The following NOLC1 variants were observed in gnomAD, a reference collection of about 807,000 sequenced individuals.
NOLC1 encodes 140 kDa nucleolar phosphoprotein.
A neutral mutation model predicts 73.4 loss-of-function variants in NOLC1; 37 were observed. That is an observed-to-expected ratio of 0.50 (90% CI 0.39 to 0.66). The LOEUF (loss-of-function observed/expected upper bound fraction) is 0.66. NOLC1 is among the 30% of genes least tolerant of loss of function. The pLI is 0.00. For synonymous variants in NOLC1, 327 were observed against 302.6 expected, an observed-to-expected ratio of 1.08 and a Z score of -0.84; for missense variants, 921 against 838.9, an observed-to-expected ratio of 1.10 and a Z score of -1.21.
intron 10 of NOLC1, 86 bp from the exon 11 acceptor site, chr10:102,161,470 G>A (rs956465408): frequency 1.6e-5 from 15 of 931,188 alleles, no homozygotes; most frequent in African/African-American, 5.0e-5. Flanking sequence ...GGGCTCAAGC[G>A]ATCCTCCTAC....
At chr10:102,155,053 G>A (rs546206507) in intron 1 of NOLC1, among the ~76,000 whole-genome samples, 9 of 129,406 alleles carry the variant, frequency 7.0e-5, no homozygotes, top group Admixed American at 1.7e-4. Flanking sequence ...TGACAGTTTC[G>A]CTCTTGTTGC....
intron 8 of NOLC1, 65 bp from the exon 9 acceptor site, chr10:102,160,167 CT>C: frequency 6.3e-7 from 1 of 1,592,556 alleles, no homozygotes. Context: ...TCTTTGCATT[CT>C]TTTTATTGCT....
At chr10:102,157,384 C>G (rs750177600) in intron 3 of NOLC1, 47 bp from the exon 4 acceptor site, 6 of 1,613,366 alleles carry the variant, frequency 3.7e-6, no homozygotes, top group African/African-American at 1.3e-5. Context: ...TTACAGCCTG[C>G]TTGTTTCACA....
At chr10:102,159,132 T>C in intron 5 of NOLC1, 61 bp from the exon 6 acceptor site, 1 of 1,507,020 alleles carries the variant, frequency 6.6e-7, no homozygotes, top group Non-Finnish European at 8.9e-7. Context: ...AGGAAGGAGG[T>C]TTTTCATGGT....
chr10:102,159,415 AT>A lies in NOLC1; in HGVS notation c.724-14del, dbSNP rs1363642502. On this transcript the variant is annotated splice_polypyrimidine_tract_variant and intron_variant, in intron 6 of 12. Coordinates refer to ENST00000605788, the MANE Select transcript of NOLC1 (RefSeq NM_004741.5). The stretch of plus-strand genomic sequence containing the variant: ...GGTCAGCATTTTCCTGTGGTAATCA[AT>A]TTTCTTTCTAATGCAGACTGTACCT... 6.2e-7 allele frequency: 1 copy of A among 1,613,842 alleles called. No individual in the cohort carries two copies. The highest frequency in any genetic ancestry group is 1.7e-5 in the Admixed American group (1 of 59,968).
At position 102,162,111 on chromosome 10, in the gene NOLC1, C is replaced by A. The variant is rs1370185935; in HGVS notation, c.1942C>A (p.Arg648=). The change falls in exon 13 of 13, where the codon CGA becomes AGA. Residue 648 remains arginine, a splice_region_variant and synonymous_variant. Coordinates refer to ENST00000605788, the MANE Select transcript of NOLC1 (RefSeq NM_004741.5). ...RVADNSFDAK[R]GAAGDWGERA... is the part of the protein sequence containing the mutation. ...GTTAATCTCCCTCTCTACTTACCAG[C>A]GAGGTGCAGCCGGAGACTGGGGAGA... 6.2e-7 allele frequency: 1 copy of A among 1,613,456 alleles called. No individual in the cohort carries two copies. Among genetic ancestry groups the A allele is most frequent in the Non-Finnish European group, 8.5e-7 (1 of 1,179,864 alleles).
chr10:102,159,065 C>CAAAAAAAAA (rs35183508), intron 5 of NOLC1, 128 bp from the exon 6 acceptor site: 3 of 357,928 alleles, frequency 8.4e-6, no homozygotes, highest in East Asian at 4.7e-5. Context: ...ACTCCGTCTC[C>CAAAAAAAAA]AAAAAAAAAA....
chr10:102,160,012 A>C lies in NOLC1; in HGVS notation c.976A>C (p.Ser326Arg). The C allele has an allele frequency of 6.2e-7, 1 of 1,613,108 alleles. No homozygotes were observed. Among genetic ancestry groups the C allele is most frequent in the Non-Finnish European group, 8.5e-7 (1 of 1,179,538 alleles). Residue 326 changes from serine (S) to arginine (R), a missense_variant, in exon 8 of 13, where the codon AGT (serine) becomes CGT (arginine). By Grantham distance (110) the Ser-to-Arg change is moderately radical (BLOSUM62 -1). Coordinates refer to ENST00000605788, the MANE Select transcript of NOLC1 (RefSeq NM_004741.5). The stretch of plus-strand genomic sequence containing the variant: ...GCCTGTGGAAAGCAGTGAAGACAGC[A>C]GTGATGAGTCTGGTGAGTCAGAGGG... ...QQPVESSEDS[S>R]DESDSSSEEE...
chr10:102,162,063 G>C, intron 12 of NOLC1, 48 bp from the exon 13 acceptor site: 1 of 1,606,572 alleles, frequency 6.2e-7, no homozygotes, highest in Non-Finnish European at 8.5e-7. Flanking sequence ...AAGTGACAGG[G>C]CTCCAGCATG....
Position 102,160,712 on chromosome 10 carries a change from G to T in NOLC1, c.1360G>T (p.Ala454Ser). The T allele has an allele frequency of 6.2e-7, 1 of 1,614,144 alleles. No individual in the cohort carries two copies. Among genetic ancestry groups the T allele is most frequent in the Non-Finnish European group, 8.5e-7 (1 of 1,179,972 alleles). The change falls in exon 10 of 13, where the codon GCT becomes TCT. Residue 454 changes from alanine (A) to serine (S), a missense_variant. Ala to Ser is a moderately conservative substitution (Grantham distance 99). Transcript: ENST00000605788. ...TTKPKATAKA[A>S]LSLPAKQAPQ... is the part of the protein sequence containing the mutation. ...TAAGCCCAAGGCGACTGCCAAAGCA[G>T]CTCTATCTCTGCCTGCCAAGCAGGC...
At chr10:102,156,891 G>A (rs999511577) in intron 1 of NOLC1, 128 bp from the exon 2 acceptor site, 58 of 900,226 alleles carry the variant, frequency 6.4e-5, no homozygotes, top group Admixed American at 2.0e-4. Context: ...ATTTATGCAC[G>A]TAGCAAAAGT....
intron 9 of NOLC1, 39 bp from the exon 10 acceptor site, chr10:102,160,413 A>G: frequency 6.2e-7 from 1 of 1,612,410 alleles, no homozygotes; most frequent in Non-Finnish European, 8.5e-7. Context: ...CCCTGAATCC[A>G]ATTTGGGGAG....
At chr10:102,154,373 G>A (rs769667669) in intron 1 of NOLC1, among the ~76,000 whole-genome samples, 29 of 151,478 alleles carry the variant, frequency 1.9e-4, no homozygotes, top group Non-Finnish European at 3.5e-4. Flanking sequence ...GTGAGCCACC[G>A]CACCCGGCCA....
At chr10:102,152,816 G>A (rs1477074078) in intron 1 of NOLC1, among the ~76,000 whole-genome samples, 1 of 152,242 alleles carries the variant, frequency 6.6e-6, no homozygotes, top group Non-Finnish European at 1.5e-5. Flanking sequence ...GGCTGGCAGA[G>A]TGCAGCGGGG....
In NOLC1 at chr10:102,159,540, G is replaced by A; in HGVS notation, c.831G>A (p.Glu277=). The change falls in exon 7 of 13, where the codon GAG becomes GAA. Residue 277 remains glutamate (E), a synonymous_variant. Transcript: ENST00000605788. ...ATTCCTCCAGTGACGAGGAAGAGGA[G>A]CAAAAAAAACCCATGAAAAATAAAC... ...SEDSSSDEEE[E]QKKPMKNKPG... The A allele has an allele frequency of 6.2e-7, 1 of 1,613,706 alleles. No homozygotes were observed. Among genetic ancestry groups the A allele is most frequent in the Non-Finnish European group, 8.5e-7 (1 of 1,179,888 alleles).
At position 102,160,792 on chromosome 10, in the gene NOLC1, G is replaced by C; in HGVS notation, c.1440G>C (p.Glu480Asp). 7.4e-6 allele frequency: 12 copies of C among 1,614,244 alleles called. No homozygotes were observed. Among genetic ancestry groups the C allele is most frequent in the Non-Finnish European group, 9.3e-6 (11 of 1,180,048 alleles). Residue 480 changes from glutamate (E) to aspartate (D), a missense_variant, in exon 10 of 13, where the codon GAG (glutamate) becomes GAC (aspartate). Coordinates refer to ENST00000605788, the MANE Select transcript of NOLC1 (RefSeq NM_004741.5). ...SSDSDSSSSE[E>D]EEEKTSKSAV... The stretch of plus-strand genomic sequence containing the variant: ...ATTCAGACAGCTCCAGCAGTGAGGA[G>C]GAGGAAGAGAAGACATCTAAGTCTG...
Position 102,161,617 on chromosome 10 carries a change from GAAGA to G in NOLC1, c.1804_1807del (p.Lys602Ter), listed in dbSNP as rs1564972850. ...AGGAGGCAGAGACTCCTCAGGCCAA[GAAGA>G]TAAAGCTTCAGACCCCTAACACATT... On this transcript the variant is annotated frameshift_variant, in exon 11 of 13. Transcript: ENST00000605788. LOFTEE classifies it high-confidence loss of function. 6.2e-7 allele frequency: 1 copy of G among 1,614,000 alleles called. No individual in the cohort carries two copies. The highest frequency in any genetic ancestry group is 8.5e-7 in the Non-Finnish European group (1 of 1,179,996).
chr10:102,155,388 A>AG, intron 1 of NOLC1, among the ~76,000 whole-genome samples: 1 of 152,074 alleles, frequency 6.6e-6, no homozygotes, highest in Non-Finnish European at 1.5e-5. Flanking sequence ...TTCAAAAAAA[A>AG]AAAAAGAGAG....
chr10:102,153,975 A>G (rs781256129), intron 1 of NOLC1, among the ~76,000 whole-genome samples: 5 of 151,276 alleles, frequency 3.3e-5, no homozygotes, highest in Non-Finnish European at 5.9e-5. Context: ...GCCCGGCCTC[A>G]GGATTAGGAT....
Sources: allele counts gnomAD v4.1 joint callset (sites outside exome capture counted in the v4.1 genomes callset), GRCh38; gene constraint gnomAD v4.1.1; transcripts MANE v1.5; gene names NCBI Gene and HGNC (gene_info 2026-07-23, HGNC 2026-07-21).